Variants in MFSD8 observed in about 807,000 individuals in gnomAD.
The protein encoded by MFSD8 is major facilitator superfamily domain containing 8.
A neutral mutation model predicts 66.4 loss-of-function variants in MFSD8; 55 were observed. The observed-to-expected ratio is 0.83, with a 90% CI of 0.67 to 1.04. MFSD8 has a LOEUF of 1.04. MFSD8 is among the 50% of genes least tolerant of loss of function. The pLI is 0.00. For synonymous variants in MFSD8, 202 were observed against 212.8 expected, an observed-to-expected ratio of 0.95 and a Z score of 0.44; for missense variants, 550 against 627.6, an observed-to-expected ratio of 0.88 and a Z score of 1.32.
chr4:127,927,550 G>A (rs571310676), intron 9 of MFSD8, among the ~76,000 whole-genome samples: 1 of 152,196 alleles, frequency 6.6e-6, no homozygotes, highest in South Asian at 2.1e-4. Flanking sequence ...GCAAGTTAAA[G>A]AGTATCTGTA....
At chr4:127,950,374 C>T (rs1741739118) in intron 2 of MFSD8, among the ~76,000 whole-genome samples, 1 of 152,132 alleles carries the variant, frequency 6.6e-6, no homozygotes, top group Non-Finnish European at 1.5e-5. Context: ...TGATTAACTC[C>T]AACACTATCT....
chr4:127,945,738 T>TA (rs1391563651), intron 3 of MFSD8: 1 of 152,190 alleles, frequency 6.6e-6, no homozygotes, highest in Non-Finnish European at 1.5e-5. Context: ...TTCTAGCCGT[T>TA]AAAATATCTT....
chr4:127,951,558 C>T (rs1022359718), intron 2 of MFSD8, among the ~76,000 whole-genome samples: 5 of 152,032 alleles, frequency 3.3e-5, no homozygotes, highest in African/African-American at 1.2e-4. Flanking sequence ...ACATTTGTCA[C>T]CTCAAAAAAA....
rs1427918178 is a variant in MFSD8, at chr4:127,942,300, T to C, written c.440-142A>G. 1.2e-5 allele frequency: 8 copies of C among 680,532 alleles called. No individual in the cohort carries two copies. In the Middle Eastern group the frequency reaches 9.5e-4, roughly 81 times the overall value. 42.2% of individuals were successfully genotyped at this position (680,532 alleles called of 1,614,324 possible). On this transcript the variant is annotated intron_variant, in intron 4 of 11. Transcript: ENST00000641686. The stretch of plus-strand genomic sequence containing the variant: ...TTCCTCTTTATGATCACACAAAGCA[T>C]GTAAGGTATTTTTATTAAGCAAATG...
intron 9 of MFSD8, among the ~76,000 whole-genome samples, chr4:127,929,664 C>T (rs964522613): frequency 1.3e-5 from 2 of 151,374 alleles, no homozygotes; most frequent in Non-Finnish European, 2.9e-5. Flanking sequence ...CGAATAATAG[C>T]GGGAAGGAGG....
chr4:127,940,986 A>C (rs1434815049), intron 5 of MFSD8, among the ~76,000 whole-genome samples: 1 of 152,202 alleles, frequency 6.6e-6, no homozygotes, highest in Non-Finnish European at 1.5e-5. Flanking sequence ...TCTATAATGC[A>C]AAATTTTTAA....
intron 1 of MFSD8, among the ~76,000 whole-genome samples, chr4:127,961,820 C>CAAA (rs4000711): frequency 2.2e-3 from 176 of 78,948 alleles, no homozygotes; most frequent in Middle Eastern, 7.5e-3. Flanking sequence ...GACTCCGTCT[C>CAAA]AAAAAAAAAA....
intron 1 of MFSD8, 59 bp downstream of exon 1, chr4:127,965,013 A>G: frequency 4.4e-6 from 7 of 1,590,058 alleles, no homozygotes; most frequent in Non-Finnish European, 6.0e-6. Context: ...GACGCCCGGA[A>G]AGGAACCAGT....
At chr4:127,929,045 G>A (rs1216563823) in intron 9 of MFSD8, among the ~76,000 whole-genome samples, 2 of 152,074 alleles carry the variant, frequency 1.3e-5, no homozygotes, top group Non-Finnish European at 2.9e-5. Context: ...TCTCAGGTCG[G>A]CAGCGGTGGT....
chr4:127,938,849 A>G lies in MFSD8; in HGVS notation c.699-11T>C, dbSNP rs754982171. On this transcript the variant is annotated splice_polypyrimidine_tract_variant and intron_variant, in intron 6 of 11. Transcript: ENST00000641686. ...TCCACACGATGTTCTCTTAAAAAGA[A>G]AAACACAAATATTGTACCTATAAAA... The G allele has an allele frequency of 1.2e-6, 2 of 1,600,876 alleles. No homozygotes were observed. The highest frequency in any genetic ancestry group is 1.7e-6 in the Non-Finnish European group (2 of 1,169,846).
At chr4:127,947,436 G>A (rs902656183) in intron 3 of MFSD8, among the ~76,000 whole-genome samples, 3 of 151,848 alleles carry the variant, frequency 2.0e-5, no homozygotes, top group African/African-American at 7.3e-5. Context: ...AAATTAGCCG[G>A]GTGTGGTAGC....
At chr4:127,932,375 A>C (rs975160662) in intron 8 of MFSD8, 10 of 152,472 alleles carry the variant, frequency 6.6e-5, no homozygotes, top group African/African-American at 2.2e-4. Context: ...ACTCTTATAC[A>C]TACATAGGAA....
At chr4:127,946,011 C>T (rs923392984) in intron 3 of MFSD8, among the ~76,000 whole-genome samples, 19 of 151,590 alleles carry the variant, frequency 1.3e-4, no homozygotes, top group Non-Finnish European at 2.8e-4. Context: ...ACCTCAAACT[C>T]CTTTGCTCAA....
At chr4:127,935,802 G>A (rs1363781735) in intron 7 of MFSD8, among the ~76,000 whole-genome samples, 1 of 152,092 alleles carries the variant, frequency 6.6e-6, no homozygotes, top group Non-Finnish European at 1.5e-5. Flanking sequence ...TAGTATGACA[G>A]AAAATAATTT....
chr4:127,948,847 A>C (rs917682719), intron 3 of MFSD8, among the ~76,000 whole-genome samples: 2 of 152,346 alleles, frequency 1.3e-5, no homozygotes. Context: ...GGCCCTCACC[A>C]GATGTGGTCT....
At chr4:127,964,955 C>T in intron 1 of MFSD8, 117 bp downstream of exon 1, 1 of 1,267,394 alleles carries the variant, frequency 7.9e-7, no homozygotes, top group Non-Finnish European at 1.1e-6. Flanking sequence ...CACCGGCTCC[C>T]ACCGCGCTGG....
At chr4:127,948,862 A>G (rs1226209847) in intron 3 of MFSD8, among the ~76,000 whole-genome samples, 1 of 152,204 alleles carries the variant, frequency 6.6e-6, no homozygotes, top group Non-Finnish European at 1.5e-5. Context: ...TGGTCTCTCA[A>G]ACTAGGACTT....
In MFSD8 at chr4:127,920,547, A is replaced by G. The variant is rs1560715067; in HGVS notation, c.*83T>C. On this transcript the variant is annotated 3_prime_UTR_variant, in exon 12 of 12. Coordinates refer to ENST00000641686, the MANE Select transcript of MFSD8 (RefSeq NM_001371596.2). ...AATATCTGTAGTCTGATTCTTGGAG[A>G]CTGGCTCACCGCAATTGTCTAGCAG... 7.4e-7 allele frequency: 1 copy of G among 1,345,168 alleles called. No homozygotes were observed. Among genetic ancestry groups the G allele is most frequent in the Non-Finnish European group, 1.1e-6 (1 of 941,060 alleles). 83.3% of individuals were successfully genotyped at this position (1,345,168 alleles called of 1,614,324 possible). A position where few individuals can be genotyped will look rare whatever the true frequency, so the allele number is the denominator to read the frequency against.
At chr4:127,942,585 C>G (rs964262976) in intron 4 of MFSD8, among the ~76,000 whole-genome samples, 1 of 150,016 alleles carries the variant, frequency 6.7e-6, no homozygotes, top group Non-Finnish European at 1.5e-5. Flanking sequence ...GAGGCTGAGG[C>G]AGAAGAACTG....
Sources: gnomAD v4.1 joint callset for allele counts (sites outside exome capture counted in the v4.1 genomes callset) on GRCh38, gnomAD v4.1.1 for gene constraint, MANE v1.5 for transcripts, NCBI Gene and HGNC (gene_info 2026-07-23, HGNC 2026-07-21) for gene names.